SUSD4: variants seen among roughly 807,000 people sequenced by gnomAD.
SUSD4 encodes the protein sushi domain containing 4, also known as sushi domain-containing protein 4.
Under a neutral mutation model 50.5 loss-of-function variants are expected in SUSD4, and 41 were observed. The observed-to-expected ratio is 0.81, with a 90% confidence interval of 0.63 to 1.05. SUSD4 has a LOEUF of 1.05. Among genes scored for constraint, SUSD4 ranks in the 50% least tolerant of loss-of-function variants. The pLI is 0.00. For missense variants in SUSD4, 580 were observed against 634.7 expected (o/e 0.91, Z 0.93); for synonymous variants, 257 against 257.3 (o/e 1.00, Z 0.01).
chr1:223,252,236 A>AAAAAATATAT (rs1343732568), intron 5 of SUSD4, among the ~76,000 whole-genome samples: 9 of 89,712 alleles, frequency 1.0e-4, no homozygotes, highest in African/African-American at 3.7e-4. Flanking sequence ...AAAAAAAAAA[A>AAAAAATATAT]ATATATATAT....
intron 8 of SUSD4, among the ~76,000 whole-genome samples, chr1:223,222,742 G>A (rs1176663200): frequency 6.6e-6 from 1 of 152,162 alleles, no homozygotes; most frequent in Admixed American, 6.5e-5. Context: ...AGGTACACAT[G>A]CATCTTTTAC....
At chr1:223,224,860 TC>T (rs1659396993) in intron 7 of SUSD4, among the ~76,000 whole-genome samples, 1 of 129,414 alleles carries the variant, frequency 7.7e-6, no homozygotes, top group South Asian at 2.4e-4. Context: ...CTTGGTTTCT[TC>T]CTTTTTTTTT....
At chr1:223,284,715 A>G (rs1172921805) in intron 3 of SUSD4, among the ~76,000 whole-genome samples, 1 of 152,154 alleles carries the variant, frequency 6.6e-6, no homozygotes. Flanking sequence ...GGCAACGTGG[A>G]TGGAACTGGG....
intron 2 of SUSD4, among the ~76,000 whole-genome samples, chr1:223,346,239 C>T (rs1167340360): frequency 6.6e-6 from 1 of 152,132 alleles, no homozygotes; most frequent in African/African-American, 2.4e-5. Flanking sequence ...ATTTGAGAAC[C>T]AAAACCCTAA....
intron 2 of SUSD4, among the ~76,000 whole-genome samples, chr1:223,337,368 T>TGAAA (rs1667515845): frequency 6.6e-6 from 1 of 152,192 alleles, no homozygotes; most frequent in Non-Finnish European, 1.5e-5. Flanking sequence ...CATGAATGAA[T>TGAAA]GAATGAATGA....
rs1423882578 is a variant in SUSD4, at chr1:223,231,657, T to G, written c.725-2269A>C. Among the ~76,000 whole-genome samples, 1 of 152,356 alleles carries G rather than the reference T, an allele frequency of 6.6e-6. No individual in the cohort carries two copies. The highest frequency in any genetic ancestry group is 1.9e-4 in the East Asian group (1 of 5,188). On this transcript the variant is annotated intron_variant, in intron 5 of 8. Transcript: ENST00000366878. The surrounding 1 kb of genome is among the most constrained non-coding windows in gnomAD (Gnocchi z 4.2). ...GGAACAGGGAGAGAGAAAAAGGCAC[T>G]GGCCACGTTGTTGAACTGGTCCTGG...
intron 2 of SUSD4, among the ~76,000 whole-genome samples, chr1:223,362,890 C>A (rs1669065343): frequency 6.6e-6 from 1 of 151,718 alleles, no homozygotes; most frequent in African/African-American, 2.4e-5. Context: ...CTGCTGAAGG[C>A]ATTGGCAAGA....
chr1:223,298,873 A>C (rs1418958029), intron 2 of SUSD4, among the ~76,000 whole-genome samples: 1 of 152,200 alleles, frequency 6.6e-6, no homozygotes, highest in African/African-American at 2.4e-5. Flanking sequence ...TTTTCAAGTA[A>C]GCATAGTTAA....
chr1:223,316,549 G>A lies in SUSD4; in HGVS notation c.149-23898C>T, dbSNP rs958070606. 2.6e-4 allele frequency among the ~76,000 whole-genome samples: 40 copies of A among 152,072 alleles called. 1 individual carries two copies. The highest frequency in any genetic ancestry group is 8.2e-4 in the African/African-American group (34 of 41,418). ...CTGACAACTGCCCCTGGAGAAGCCC[G>A]TTGACCTGCCTCCTCCTTCTCTGAA... On this transcript the variant is annotated intron_variant, in intron 2 of 8. Transcript: ENST00000366878.
At position 223,231,732 on chromosome 1, in the gene SUSD4, C is replaced by G. The variant is rs985135154; in HGVS notation, c.725-2344G>C. Among the ~76,000 whole-genome samples the G allele has an allele frequency of 6.6e-6, 1 of 152,190 alleles. No individual in the cohort carries two copies. The highest frequency in any genetic ancestry group is 1.5e-5 in the Non-Finnish European group (1 of 68,028). Reference sequence around the variant, plus strand: ...GGCTCTTCTCTCCTTGGAGGCCCTCCTCCGTGCTGCTTCTCCTCTACTCAA... The same window carrying G: ...GGCTCTTCTCTCCTTGGAGGCCCTCGTCCGTGCTGCTTCTCCTCTACTCAA... On this transcript the variant is annotated intron_variant, in intron 5 of 8. Transcript: ENST00000366878. The surrounding 1 kb of genome is among the most constrained non-coding windows in gnomAD (Gnocchi z 4.2).
chr1:223,226,384 C>A (rs1659516511), intron 7 of SUSD4, among the ~76,000 whole-genome samples: 1 of 152,226 alleles, frequency 6.6e-6, no homozygotes, highest in Non-Finnish European at 1.5e-5. Flanking sequence ...CCACATCTAG[C>A]ACACATTTGT....
chr1:223,290,651 T>G (rs766355331), intron 3 of SUSD4, among the ~76,000 whole-genome samples: 2 of 152,010 alleles, frequency 1.3e-5, no homozygotes, highest in Non-Finnish European at 2.9e-5. Flanking sequence ...TGGGGCTGAG[T>G]GTTAAGAACT....
intron 5 of SUSD4, among the ~76,000 whole-genome samples, chr1:223,237,013 T>C (rs974683260): frequency 3.3e-5 from 5 of 152,236 alleles, no homozygotes; most frequent in Non-Finnish European, 7.4e-5. Context: ...ATTTAGTTCT[T>C]TGATTTCTTT....
intron 5 of SUSD4, among the ~76,000 whole-genome samples, chr1:223,232,775 T>C (rs986194637): frequency 1.3e-5 from 2 of 152,114 alleles, no homozygotes; most frequent in African/African-American, 4.8e-5. Flanking sequence ...TTACCCAAAT[T>C]TGTGTTCAAA....
rs562967940 is a variant in SUSD4, at chr1:223,352,378, A to T, written c.148+10900T>A. 7.2e-5 allele frequency among the ~76,000 whole-genome samples: 11 copies of T among 152,310 alleles called. 1 individual carries two copies. In the East Asian group the frequency reaches 2.1e-3, roughly 29 times the overall value. The stretch of plus-strand genomic sequence containing the variant: ...TTTCAGCAAAGCCACTCTCGAGGGG[A>T]TAGATAAATGCCCTGCTACCTCCTT... On this transcript the variant is annotated intron_variant, in intron 2 of 8. Coordinates refer to ENST00000366878, the MANE Select transcript of SUSD4 (RefSeq NM_017982.4).
At chr1:223,286,145 T>C (rs1002002661) in intron 3 of SUSD4, among the ~76,000 whole-genome samples, 1 of 151,838 alleles carries the variant, frequency 6.6e-6, no homozygotes, top group Non-Finnish European at 1.5e-5. Flanking sequence ...AGATGGAGTC[T>C]CGCTCTGTCG....
rs1664546268 is a variant in SUSD4 at position 223,292,386 on chromosome 1, G to T, written c.361+53C>A. 2.5e-6 allele frequency: 4 copies of T among 1,597,530 alleles called. No homozygotes were observed. In the African/African-American group the frequency reaches 4.0e-5, roughly 16 times the overall value. The stretch of plus-strand genomic sequence containing the variant: ...TGTCACACAGCCCTGCACCCCTGTG[G>T]CCATGCAACTTGAACCACATGAGTG... On this transcript the variant is annotated intron_variant, in intron 3 of 8. Transcript: ENST00000366878.
chr1:223,254,894 T>C (rs1416095723), intron 5 of SUSD4, among the ~76,000 whole-genome samples: 1 of 140,172 alleles, frequency 7.1e-6, no homozygotes, highest in Non-Finnish European at 1.7e-5. Context: ...TGCTGTAATA[T>C]ATGAACAGTA....
At chr1:223,268,008 ATT>A (rs199600125) in intron 4 of SUSD4, among the ~76,000 whole-genome samples, 23,346 of 50,866 alleles carry the variant, frequency 0.46, 4,844 homozygotes, top group Middle Eastern at 0.52. Context: ...CTCTTCATGC[ATT>A]TTTTATATAT....
Sources: allele counts gnomAD v4.1 joint callset (sites outside exome capture counted in the v4.1 genomes callset), GRCh38; gene constraint gnomAD v4.1.1; non-coding constraint Gnocchi (gnomAD v3.1); transcripts MANE v1.5; gene names NCBI Gene and HGNC (gene_info 2026-07-23, HGNC 2026-07-21).